KLHL6: variants seen among roughly 807,000 people sequenced by gnomAD.
KLHL6 encodes the protein kelch-like protein 6.
Under a neutral mutation model 58.6 loss-of-function variants are expected in KLHL6, and 41 were observed. The observed-to-expected ratio is 0.70, with a 90% confidence interval of 0.55 to 0.91. The LOEUF is 0.91. KLHL6 is among the 40% of genes least tolerant of loss of function. The probability of loss-of-function intolerance (pLI) is 0.00; values close to 1 mark genes in which losing one functional copy is unlikely to be tolerated. For synonymous variants in KLHL6, 338 were observed against 322.7 expected, an observed-to-expected ratio of 1.05 and a Z score of -0.51; for missense variants, 714 against 805.6, an observed-to-expected ratio of 0.89 and a Z score of 1.38.
Position 183,528,029 on chromosome 3 carries a change from A to T in KLHL6, c.294-19T>A. 1 of 1,613,874 alleles carries T rather than the reference A, an allele frequency of 6.2e-7. No homozygotes were observed. The highest frequency in any genetic ancestry group is 8.5e-7 in the Non-Finnish European group (1 of 1,179,890). On this transcript the variant is annotated intron_variant, in intron 1 of 6. Transcript: ENST00000341319. ...CATGGCCCTGGAAGAGAAATGTGTG[A>T]ATGTGAATCGTGCCGAGACCCTTGG...
intron 1 of KLHL6, among the ~76,000 whole-genome samples, chr3:183,539,842 C>A (rs535378655): frequency 1.3e-5 from 2 of 152,204 alleles, no homozygotes; most frequent in Non-Finnish European, 2.9e-5. Flanking sequence ...AGAATCCCTC[C>A]AAGTCCCACC....
At chr3:183,544,610 T>C (rs1262833084) in intron 1 of KLHL6, 1 of 152,142 alleles carries the variant, frequency 6.6e-6, no homozygotes, top group East Asian at 1.9e-4. Flanking sequence ...ATTTTTCCTT[T>C]TGTCCAGCAT....
At chr3:183,549,782 T>C (rs1259444901) in intron 1 of KLHL6, among the ~76,000 whole-genome samples, 2 of 152,124 alleles carry the variant, frequency 1.3e-5, no homozygotes, top group East Asian at 1.9e-4. Context: ...GCCTCTAAAA[T>C]AAAAGACAGA....
At chr3:183,528,383 C>A (rs950566481) in intron 1 of KLHL6, among the ~76,000 whole-genome samples, 1 of 152,240 alleles carries the variant, frequency 6.6e-6, no homozygotes, top group Non-Finnish European at 1.5e-5. Flanking sequence ...CACTAGCTCT[C>A]GTTTGGCCTG....
At chr3:183,541,906 C>G (rs1342341998) in intron 1 of KLHL6, among the ~76,000 whole-genome samples, 2 of 152,094 alleles carry the variant, frequency 1.3e-5, no homozygotes, top group Non-Finnish European at 2.9e-5. Context: ...AAGGTCAGAC[C>G]ACTTTCTCTT....
At chr3:183,525,333 GA>G in intron 2 of KLHL6, among the ~76,000 whole-genome samples, 1 of 148,504 alleles carries the variant, frequency 6.7e-6, no homozygotes, top group African/African-American at 2.5e-5. Context: ...ACCCGGGGGG[GA>G]AAATTTAGGA....
intron 3 of KLHL6, among the ~76,000 whole-genome samples, chr3:183,504,815 C>T (rs1717959899): frequency 6.6e-6 from 1 of 152,108 alleles, no homozygotes; most frequent in Non-Finnish European, 1.5e-5. Context: ...CATACATAAG[C>T]ATAGTACCTG....
chr3:183,534,966 A>G (rs1486273634), intron 1 of KLHL6, among the ~76,000 whole-genome samples: 1 of 139,326 alleles, frequency 7.2e-6, no homozygotes, highest in Non-Finnish European at 1.5e-5. Flanking sequence ...TTTTTTTGAG[A>G]CAGAGTCTCT....
chr3:183,549,186 A>G (rs1418434908), intron 1 of KLHL6, among the ~76,000 whole-genome samples: 1 of 152,208 alleles, frequency 6.6e-6, no homozygotes. Context: ...AAAAAAGAGA[A>G]TAAGTGCCAA....
chr3:183,541,978 G>C (rs1232238859), intron 1 of KLHL6, among the ~76,000 whole-genome samples: 4 of 152,010 alleles, frequency 2.6e-5, no homozygotes, highest in African/African-American at 9.7e-5. Context: ...AGTTTGCTTT[G>C]TGTTCCAGCC....
At chr3:183,529,020 C>T (rs1712071513) in intron 1 of KLHL6, among the ~76,000 whole-genome samples, 1 of 152,164 alleles carries the variant, frequency 6.6e-6, no homozygotes, top group Admixed American at 6.5e-5. Context: ...AGCTGGGGGC[C>T]ATTATCCTTA....
rs201286068 is a variant in KLHL6 at position 183,555,527 on chromosome 3, T to G, written c.127A>C (p.Asn43His). Residue 43 changes from asparagine (N) to histidine (H), a missense_variant, in exon 1 of 7, where the codon AAT (asparagine) becomes CAT (histidine). By Grantham distance (68) the Asn-to-His change is moderately conservative. Around this residue, in one of 2 missense-constraint regions of KLHL6, gnomAD observed 204 missense variants for 175.9 expected, o/e 1.16. Transcript: ENST00000341319. ...TCGTCAAATTTGACCTTTTCCCCAT[T>G]TAAGATCTCGACCAAGTCTCCTGTT... ...QKTGDLVEILNGEKVKFDDAG... is the reference protein window; with the variant it reads ...QKTGDLVEILHGEKVKFDDAG... 1.2e-6 allele frequency: 2 copies of G among 1,614,090 alleles called. No homozygotes were observed. The highest frequency in any genetic ancestry group is 4.5e-5 in the East Asian group (2 of 44,876).
chr3:183,537,486 CAG>C (rs1427355304), intron 1 of KLHL6, among the ~76,000 whole-genome samples: 6 of 152,220 alleles, frequency 3.9e-5, no homozygotes, highest in Non-Finnish European at 8.8e-5. Context: ...TGTTGTAAAA[CAG>C]AGGTAGCTAG....
At chr3:183,521,725 A>C (rs1711768314) in intron 2 of KLHL6, 1 of 135,026 alleles carries the variant, frequency 7.4e-6, no homozygotes, top group Non-Finnish European at 1.5e-5. Flanking sequence ...ATGGAGTCTC[A>C]CTCTGTCGTC....
intron 1 of KLHL6, among the ~76,000 whole-genome samples, chr3:183,545,705 CAA>C (rs1386454004): frequency 1.3e-5 from 2 of 152,150 alleles, no homozygotes; most frequent in South Asian, 4.1e-4. Context: ...TGCAAAAAAA[CAA>C]AAGAACTGCA....
At position 183,491,926 on chromosome 3, in the gene KLHL6, G is replaced by A. The variant is rs1457222578; in HGVS notation, c.*1C>T. The A allele has an allele frequency of 2.0e-6, 3 of 1,473,838 alleles. No homozygotes were observed. The highest frequency in any genetic ancestry group is 2.7e-6 in the Non-Finnish European group (3 of 1,108,350). 91.3% of individuals were successfully genotyped at this position (1,473,838 alleles called of 1,614,324 possible). On this transcript the variant is annotated 3_prime_UTR_variant, in exon 7 of 7. Transcript: ENST00000341319. ...GGGCTCTCCAGCTCCCCATCCTGCC[G>A]TCAGACAGACACTGCTCCGGGCACG...
At chr3:183,511,800 T>TG (rs777347707) in intron 2 of KLHL6, among the ~76,000 whole-genome samples, 14 of 152,182 alleles carry the variant, frequency 9.2e-5, no homozygotes, top group Admixed American at 6.5e-4. Context: ...GCAAAGAGGT[T>TG]GGGGCAGTTA....
chr3:183,554,333 A>G (rs767836484), intron 1 of KLHL6, among the ~76,000 whole-genome samples: 30 of 152,338 alleles, frequency 2.0e-4, no homozygotes, highest in Admixed American at 7.8e-4. Flanking sequence ...TTGAGCATCT[A>G]CTTACTATAT....
chr3:183,528,130 G>A, intron 1 of KLHL6, 120 bp from the exon 2 acceptor site: 5 of 1,088,866 alleles, frequency 4.6e-6, no homozygotes, highest in Non-Finnish European at 6.7e-6. Flanking sequence ...GTCAGGTCCT[G>A]GGCTGGTGGC....
Sources: allele counts gnomAD v4.1 joint callset (sites outside exome capture counted in the v4.1 genomes callset), GRCh38; gene constraint gnomAD v4.1.1; regional missense constraint gnomAD v4.1.1; transcripts MANE v1.5; gene names NCBI Gene and HGNC (gene_info 2026-07-23, HGNC 2026-07-21).